SPATS2: variants seen among roughly 807,000 people sequenced by gnomAD.
The protein encoded by SPATS2 is spermatogenesis associated serine rich 2, also known as spermatogenesis-associated serine-rich protein 2.
In SPATS2, 38 loss-of-function variants were observed where a neutral mutation model predicts 63.7. The observed-to-expected ratio is 0.60, with a 90% confidence interval of 0.46 to 0.78. SPATS2 has a LOEUF of 0.78. Among genes scored for constraint, SPATS2 ranks in the 30% least tolerant of loss-of-function variants. SPATS2 has a pLI of 0.00. For missense variants in SPATS2, 588 were observed against 666.2 expected (o/e 0.88, Z 1.29); for synonymous variants, 207 against 232.9 (o/e 0.89, Z 1.01).
At chr12:49,393,270 T>C (rs1359523896) in intron 2 of SPATS2, among the ~76,000 whole-genome samples, 3 of 152,326 alleles carry the variant, frequency 2.0e-5, no homozygotes, top group African/African-American at 7.2e-5. Context: ...TCACTACTTT[T>C]CATGAGTATT....
Position 49,453,160 on chromosome 12 carries a change from C to CAAAA in SPATS2, c.-243-7596_-243-7593dup, listed in dbSNP as rs534605136. On this transcript the variant is annotated intron_variant, in intron 2 of 13. Transcript: ENST00000552918. ...GGCTGCACAGAGCGAGACTCCGTCT[C>CAAAA]AAAAAAAAAAAAAAAAAGAAATTTG... is the stretch of plus-strand genomic sequence containing the variant. Among the ~76,000 whole-genome samples, 260 of 91,752 alleles carry CAAAA rather than the reference C, an allele frequency of 2.8e-3. 1 individual carries two copies. The highest frequency in any genetic ancestry group is 6.3e-3 in the Middle Eastern group (1 of 160). 60.2% of individuals were successfully genotyped at this position (91,752 alleles called of 152,430 possible).
At chr12:49,420,645 T>C (rs1204604802) in intron 2 of SPATS2, among the ~76,000 whole-genome samples, 1 of 152,054 alleles carries the variant, frequency 6.6e-6, no homozygotes, top group Admixed American at 6.6e-5. Context: ...ATTTAATATA[T>C]TAATTAAAGA....
rs569456511 is a variant in SPATS2, at chr12:49,496,267, G to GTTGTTTGTTTGT, written c.527-551_527-540dup. On this transcript the variant is annotated intron_variant, in intron 7 of 13. Coordinates refer to ENST00000552918, the MANE Select transcript of SPATS2 (RefSeq NM_023071.4). ...TTACACTTCTATCCCCTAGAGCGTT[G>GTTGTTTGTTTGT]TTGTTTGTTTGTTTGTTTGTTTGTT... 2.3e-4 allele frequency among the ~76,000 whole-genome samples: 35 copies of GTTGTTTGTTTGT among 152,018 alleles called. No individual in the cohort carries two copies. In the South Asian group the frequency reaches 5.4e-3, roughly 23 times the overall value.
At chr12:49,367,898 A>G (rs1266880566) in intron 1 of SPATS2, among the ~76,000 whole-genome samples, 2 of 152,160 alleles carry the variant, frequency 1.3e-5, no homozygotes, top group African/African-American at 4.8e-5. Context: ...ACAACGAGCG[A>G]GATAGAACGA....
chr12:49,369,912 A>G (rs1943969139), intron 1 of SPATS2, among the ~76,000 whole-genome samples: 1 of 152,214 alleles, frequency 6.6e-6, no homozygotes, highest in African/African-American at 2.4e-5. Flanking sequence ...CCTTGAGCCC[A>G]CAATTGGTAC....
rs954910484 is a variant in SPATS2 at position 49,492,305 on chromosome 12, C to T, written c.264+1574C>T. ...CGCGATCTCGGCTCACTGCAGCCTC[C>T]GCCTCCTGGGTTCAAGTAATTCTCA... On this transcript the variant is annotated intron_variant, in intron 6 of 13. Coordinates refer to ENST00000552918, the MANE Select transcript of SPATS2 (RefSeq NM_023071.4). Among the ~76,000 whole-genome samples the T allele has an allele frequency of 6.6e-5, 10 of 151,822 alleles. 1 individual carries two copies. The South Asian group carries it at 8.3e-4, about 13-fold the overall frequency.
intron 2 of SPATS2, among the ~76,000 whole-genome samples, chr12:49,376,226 C>T (rs933704206): frequency 3.3e-5 from 5 of 151,362 alleles, no homozygotes; most frequent in Non-Finnish European, 7.4e-5. Flanking sequence ...CTCAGCCTCC[C>T]GAGTAGCTGG....
intron 12 of SPATS2, among the ~76,000 whole-genome samples, chr12:49,524,330 A>G (rs1031667749): frequency 9.8e-5 from 15 of 152,318 alleles, no homozygotes; most frequent in African/African-American, 3.1e-4. Context: ...AACTGAACAT[A>G]TGGTCTGTAC....
intron 2 of SPATS2, among the ~76,000 whole-genome samples, chr12:49,445,782 A>C (rs1024230870): frequency 6.6e-6 from 1 of 152,072 alleles, no homozygotes; most frequent in South Asian, 2.1e-4. Context: ...CGGCCTCCCA[A>C]AGTGCTAGGA....
intron 3 of SPATS2, among the ~76,000 whole-genome samples, chr12:49,470,810 C>T (rs982976866): frequency 1.3e-5 from 2 of 152,200 alleles, no homozygotes; most frequent in African/African-American, 4.8e-5. Flanking sequence ...AGCCTTGTTC[C>T]AGTGTTTTGT....
At chr12:49,438,353 ATCT>A (rs1365079140) in intron 2 of SPATS2, among the ~76,000 whole-genome samples, 1 of 152,140 alleles carries the variant, frequency 6.6e-6, no homozygotes, top group Non-Finnish European at 1.5e-5. Context: ...TAGTCTATTC[ATCT>A]TCTTGTTACC....
chr12:49,421,446 A>G (rs539657987), intron 2 of SPATS2, among the ~76,000 whole-genome samples: 2 of 145,850 alleles, frequency 1.4e-5, no homozygotes, highest in East Asian at 2.1e-4. Flanking sequence ...AAAAAAAACA[A>G]CCTTTGCACT....
intron 10 of SPATS2, among the ~76,000 whole-genome samples, chr12:49,517,298 A>G (rs968838753): frequency 4.6e-5 from 7 of 152,372 alleles, no homozygotes; most frequent in African/African-American, 1.7e-4. Context: ...CTGATTGATT[A>G]GTGTGACTTG....
intron 3 of SPATS2, among the ~76,000 whole-genome samples, chr12:49,474,842 A>T (rs1946092811): frequency 6.6e-6 from 1 of 152,246 alleles, no homozygotes; most frequent in African/African-American, 2.4e-5. Flanking sequence ...TTTACAAAAG[A>T]AAGAGGTTTA....
chr12:49,513,416 G>A (rs756359931), intron 9 of SPATS2, among the ~76,000 whole-genome samples: 3 of 152,038 alleles, frequency 2.0e-5, no homozygotes, highest in Non-Finnish European at 2.9e-5. Context: ...AAGCAAAACC[G>A]ATATGGTAAG....
At chr12:49,466,255 C>T (rs916664361) in intron 3 of SPATS2, among the ~76,000 whole-genome samples, 2 of 151,992 alleles carry the variant, frequency 1.3e-5, no homozygotes, top group African/African-American at 2.4e-5. Context: ...CCTCCGCCTC[C>T]CAGGTTCAAG....
intron 4 of SPATS2, 128 bp downstream of exon 4, chr12:49,484,797 T>A (rs2137836434): frequency 1.4e-6 from 1 of 739,876 alleles, no homozygotes; most frequent in Middle Eastern, 3.0e-4. Flanking sequence ...CCACTATATA[T>A]CAGAGAGTGA....
intron 2 of SPATS2, among the ~76,000 whole-genome samples, chr12:49,453,124 A>C (rs1945654009): frequency 6.9e-6 from 1 of 144,540 alleles, no homozygotes; most frequent in Non-Finnish European, 1.5e-5. Flanking sequence ...GCGCCACTGC[A>C]CTCCCACCTG....
At chr12:49,390,959 A>G (rs191190442) in intron 2 of SPATS2, among the ~76,000 whole-genome samples, 52 of 152,336 alleles carry the variant, frequency 3.4e-4, no homozygotes, top group African/African-American at 1.1e-3. Context: ...TTTTAAGGAT[A>G]CTATGTAGTT....
Sources: gnomAD v4.1 joint callset for allele counts (sites outside exome capture counted in the v4.1 genomes callset) on GRCh38, gnomAD v4.1.1 for gene constraint, MANE v1.5 for transcripts, NCBI Gene and HGNC (gene_info 2026-07-23, HGNC 2026-07-21) for gene names.